ELK3: variants seen among roughly 807,000 people sequenced by gnomAD.
ELK3 encodes the protein ETS domain-containing protein Elk-3.
Under a neutral mutation model 28.9 loss-of-function variants are expected in ELK3, and 10 were observed. The ratio of observed to expected loss-of-function variants is 0.35; its 90% CI spans 0.21 to 0.59. ELK3 has a LOEUF of 0.59. Ranked by LOEUF, ELK3 falls within the 20% of genes least tolerant of loss-of-function variation. ELK3 has a pLI of 0.82. For synonymous variants in ELK3, 272 were observed against 243.5 expected (o/e 1.12, Z -1.09); for missense variants, 463 against 517.3 (o/e 0.90, Z 1.02).
At chr12:96,207,647 C>G (rs947421335) in intron 1 of ELK3, among the ~76,000 whole-genome samples, 19 of 152,180 alleles carry the variant, frequency 1.2e-4, no homozygotes, top group African/African-American at 4.6e-4. Flanking sequence ...TTGTGCTTCT[C>G]AAAAACCTCT....
At chr12:96,258,793 C>G (rs955625187) in intron 3 of ELK3, among the ~76,000 whole-genome samples, 1 of 152,196 alleles carries the variant, frequency 6.6e-6, no homozygotes, top group Non-Finnish European at 1.5e-5. Context: ...CTGGGAAACC[C>G]AGGGTTTTGG....
In ELK3 at chr12:96,223,718, AAAC is replaced by A; in HGVS notation, c.155_157del (p.Thr52del). On this transcript the variant is annotated inframe_deletion, in exon 2 of 5. Transcript: ENST00000228741. Reference sequence around the variant, plus strand: ...AAGCTGTGGGGACTCCGAAAAAACAAAACAAATATGAACTATGATAAGCTGAGC... The same window carrying A: ...AAGCTGTGGGGACTCCGAAAAAACAAAAATATGAACTATGATAAGCTGAGC... 1 of 1,614,192 alleles carries A rather than the reference AAAC, an allele frequency of 6.2e-7. No individual in the cohort carries two copies. The highest frequency in any genetic ancestry group is 8.5e-7 in the Non-Finnish European group (1 of 1,180,048).
intron 4 of ELK3, among the ~76,000 whole-genome samples, chr12:96,262,571 GCTCT>G (rs1403254107): frequency 1.3e-5 from 2 of 151,982 alleles, no homozygotes; most frequent in Admixed American, 6.6e-5. Flanking sequence ...ATGGCCTTGG[GCTCT>G]CTTTTTGTGG....
At chr12:96,220,590 T>G (rs967035024) in intron 1 of ELK3, among the ~76,000 whole-genome samples, 2 of 151,938 alleles carry the variant, frequency 1.3e-5, no homozygotes, top group Non-Finnish European at 2.9e-5. Context: ...GATTTCATCA[T>G]GTTGGCCAGG....
At chr12:96,230,576 G>A (rs918042275) in intron 2 of ELK3, among the ~76,000 whole-genome samples, 1 of 152,196 alleles carries the variant, frequency 6.6e-6, no homozygotes, top group Non-Finnish European at 1.5e-5. Flanking sequence ...GCTGAGCCAA[G>A]TCCCCAGGGT....
Position 96,259,870 on chromosome 12 carries a change from G to A in ELK3, c.1125+17G>A. On this transcript the variant is annotated intron_variant, in intron 4 of 4. Coordinates refer to ENST00000228741, the MANE Select transcript of ELK3 (RefSeq NM_005230.4). ...CTGTTCCAGGTGAGCGTTTGGAAAT[G>A]AACTTTTGAACATTAAGCTTCTGAG... 1.9e-6 allele frequency: 3 copies of A among 1,578,678 alleles called. No homozygotes were observed. In the South Asian group the frequency reaches 3.4e-5, roughly 18 times the overall value.
At chr12:96,238,250 T>G (rs1193875219) in intron 2 of ELK3, among the ~76,000 whole-genome samples, 1 of 152,246 alleles carries the variant, frequency 6.6e-6, no homozygotes, top group African/African-American at 2.4e-5. Context: ...AGGACCTGTG[T>G]GAGTGAGGCA....
chr12:96,220,201 C>T (rs1014485614), intron 1 of ELK3, among the ~76,000 whole-genome samples: 4 of 152,144 alleles, frequency 2.6e-5, no homozygotes, highest in African/African-American at 9.7e-5. Context: ...CACTGCTCCT[C>T]TGCCTGTTCC....
intron 2 of ELK3, among the ~76,000 whole-genome samples, chr12:96,230,041 T>G (rs1345990684): frequency 6.6e-6 from 1 of 152,196 alleles, no homozygotes; most frequent in Non-Finnish European, 1.5e-5. Context: ...CACATAATGT[T>G]CTGGTCCACA....
intron 2 of ELK3, among the ~76,000 whole-genome samples, chr12:96,244,211 C>A (rs761974375): frequency 6.6e-6 from 1 of 152,052 alleles, no homozygotes; most frequent in Non-Finnish European, 1.5e-5. Context: ...TGTAAGGACA[C>A]CCCACATTTC....
intron 2 of ELK3, among the ~76,000 whole-genome samples, chr12:96,236,491 G>A (rs903319979): frequency 7.2e-5 from 11 of 152,180 alleles, no homozygotes; most frequent in Non-Finnish European, 1.6e-4. Context: ...AACCTCTCCC[G>A]GGAGCCGACA....
rs187000761 is a variant in ELK3, at chr12:96,210,072, T to A, written c.-2-13493T>A. Among the ~76,000 whole-genome samples the A allele has an allele frequency of 1.4e-3, 219 of 152,266 alleles. 3 individuals are homozygous for A. The highest frequency in any genetic ancestry group is 0.012 in the Admixed American group (189 of 15,298). On this transcript the variant is annotated intron_variant, in intron 1 of 4. Coordinates refer to ENST00000228741, the MANE Select transcript of ELK3 (RefSeq NM_005230.4). The stretch of plus-strand genomic sequence containing the variant: ...GTATTGATATTAATAGTACAAAAAT[T>A]TGGGGAAAAGATTTTCCATTCAAGC...
At chr12:96,211,139 C>T (rs1462428798) in intron 1 of ELK3, among the ~76,000 whole-genome samples, 2 of 152,142 alleles carry the variant, frequency 1.3e-5, no homozygotes, top group African/African-American at 4.8e-5. Context: ...ATAAAGCACT[C>T]AGCACAATTC....
rs1312709443 is a variant in ELK3, at chr12:96,259,869, T to C, written c.1125+16T>C. 6.3e-7 allele frequency: 1 copy of C among 1,579,752 alleles called. No individual in the cohort carries two copies. Among genetic ancestry groups the C allele is most frequent in the Admixed American group, 1.8e-5 (1 of 56,334 alleles). ...GCTGTTCCAGGTGAGCGTTTGGAAATGAACTTTTGAACATTAAGCTTCTGA... is the reference window on the plus strand; with the variant it reads ...GCTGTTCCAGGTGAGCGTTTGGAAACGAACTTTTGAACATTAAGCTTCTGA... On this transcript the variant is annotated intron_variant, in intron 4 of 4. Coordinates refer to ENST00000228741, the MANE Select transcript of ELK3 (RefSeq NM_005230.4).
intron 1 of ELK3, among the ~76,000 whole-genome samples, chr12:96,218,303 C>G (rs2137010712): frequency 6.6e-6 from 1 of 152,276 alleles, no homozygotes; most frequent in South Asian, 2.1e-4. Context: ...GCACCTCTTC[C>G]TGTAAGAGCA....
chr12:96,236,600 G>A (rs1426990144), intron 2 of ELK3, among the ~76,000 whole-genome samples: 1 of 152,194 alleles, frequency 6.6e-6, no homozygotes, highest in Non-Finnish European at 1.5e-5. Flanking sequence ...GTGTGTGTGT[G>A]TGCACACTCC....
In ELK3 at chr12:96,247,527, C is replaced by G. The variant is rs757483963; in HGVS notation, c.795C>G (p.Cys265Trp). Residue 265 changes from cysteine to tryptophan, a missense_variant, in exon 3 of 5, where the codon TGC becomes TGG. Coordinates refer to ENST00000228741, the MANE Select transcript of ELK3 (RefSeq NM_005230.4). This position sits in a 1 kb window ranked among gnomAD's most constrained non-coding sequence, Gnocchi z 5.5. The stretch of plus-strand genomic sequence containing the variant: ...GAAGCCTCTTCCTGGAGGCCGCCTG[C>G]CATGACTCCGATTCCCTGGAGCCCT... ...EHRSLFLEAACHDSDSLEPLN... is the reference protein window; with the variant it reads ...EHRSLFLEAAWHDSDSLEPLN... The G allele has an allele frequency of 9.3e-6, 15 of 1,614,140 alleles. No homozygotes were observed. The East Asian group carries it at 3.3e-4, about 36-fold the overall frequency.
intron 1 of ELK3, among the ~76,000 whole-genome samples, chr12:96,205,575 A>G (rs2052430): frequency 0.96 from 145,462 of 152,262 alleles, 69,527 homozygotes; most frequent in East Asian, 1. Flanking sequence ...CTGGGCTCAC[A>G]TGATCTTCCC....
intron 1 of ELK3, among the ~76,000 whole-genome samples, chr12:96,202,617 T>C (rs752610366): frequency 1.4e-5 from 2 of 145,840 alleles, no homozygotes; most frequent in African/African-American, 2.6e-5. Flanking sequence ...ACCTCCACCA[T>C]GTGGGTTCAA....
Sources: allele counts gnomAD v4.1 joint callset (sites outside exome capture counted in the v4.1 genomes callset), GRCh38; gene constraint gnomAD v4.1.1; non-coding constraint Gnocchi (gnomAD v3.1); transcripts MANE v1.5; gene names NCBI Gene and HGNC (gene_info 2026-07-23, HGNC 2026-07-21).